The following KDM4C variants were observed in gnomAD, a reference collection of about 807,000 sequenced individuals.
KDM4C encodes lysine demethylase 4C.
In KDM4C, 81 loss-of-function variants were observed where a neutral mutation model predicts 129.3. The ratio of observed to expected loss-of-function variants is 0.63; its 90% CI spans 0.52 to 0.75. The LOEUF is 0.75. Among genes scored for constraint, KDM4C ranks in the 30% least tolerant of loss-of-function variants. The probability of loss-of-function intolerance (pLI) is 0.00; values close to 1 mark genes in which losing one functional copy is unlikely to be tolerated. For synonymous variants in KDM4C, 573 were observed against 456.1 expected (o/e 1.26, Z -3.26); for missense variants, 1,457 against 1,304.0 (o/e 1.12, Z -1.81).
intron 4 of KDM4C, among the ~76,000 whole-genome samples, chr9:6,830,608 CCT>C (rs1012047115): frequency 2.0e-5 from 3 of 152,156 alleles, no homozygotes; most frequent in East Asian, 3.8e-4. Context: ...TTCCAAATGT[CCT>C]ATAATGATGA....
chr9:6,785,228 C>A (rs11792731), intron 1 of KDM4C, among the ~76,000 whole-genome samples: 23,326 of 152,110 alleles, frequency 0.15, 2,118 homozygotes, highest in East Asian at 0.4. Context: ...GTTGTAGTTT[C>A]TTGTGTTTGC....
chr9:7,132,522 C>T (rs113815058), intron 19 of KDM4C, among the ~76,000 whole-genome samples: 2,109 of 152,208 alleles, frequency 0.014, 54 homozygotes, highest in African/African-American at 0.047. Flanking sequence ...GTGTATCAGC[C>T]CAGTTAAACT....
intron 5 of KDM4C, among the ~76,000 whole-genome samples, chr9:6,850,160 C>T (rs1471689824): frequency 6.6e-6 from 1 of 152,194 alleles, no homozygotes; most frequent in Non-Finnish European, 1.5e-5. Context: ...TGTAAGTCCA[C>T]TCCATGATGT....
At chr9:6,802,105 CAAA>C (rs34465609) in intron 2 of KDM4C, among the ~76,000 whole-genome samples, 2 of 117,692 alleles carry the variant, frequency 1.7e-5, no homozygotes, top group Admixed American at 8.4e-5. Context: ...AACTTTGTCT[CAAA>C]AAAAAAAAAA....
rs368404944 is a variant in KDM4C, at chr9:7,164,376, A to G, written c.2782-862A>G. On this transcript the variant is annotated intron_variant, in intron 19 of 21. Coordinates refer to ENST00000381309, the MANE Select transcript of KDM4C (RefSeq NM_015061.6). The stretch of plus-strand genomic sequence containing the variant: ...AAAAAAACAAAAAGCACCTTTCAGG[A>G]TTAATCACCTGGGGAGTTTGCTCTG... Among the ~76,000 whole-genome samples, 19 of 151,548 alleles carry G rather than the reference A, an allele frequency of 1.3e-4. No homozygotes were observed. The East Asian group carries it at 2.5e-3, about 20-fold the overall frequency.
chr9:7,079,082 G>A (rs1834240561), intron 17 of KDM4C, among the ~76,000 whole-genome samples: 2 of 152,214 alleles, frequency 1.3e-5, no homozygotes, highest in South Asian at 2.1e-4. Context: ...GGTACAGTGA[G>A]CCATTCTTAT....
intron 1 of KDM4C, among the ~76,000 whole-genome samples, chr9:6,747,225 C>CCAACCAAA (rs1554666610): frequency 2.3e-4 from 34 of 150,970 alleles, no homozygotes; most frequent in South Asian, 6.3e-4. Context: ...AACCAACCAA[C>CCAACCAAA]CAAAGAACCT....
chr9:7,059,672 A>G (rs1175131668), intron 17 of KDM4C, among the ~76,000 whole-genome samples: 1 of 152,210 alleles, frequency 6.6e-6, no homozygotes, highest in Non-Finnish European at 1.5e-5. Flanking sequence ...CTTCAACCAA[A>G]CAACATATTA....
At chr9:6,859,473 C>CAAAAAA (rs58056883) in intron 5 of KDM4C, among the ~76,000 whole-genome samples, 30 of 47,824 alleles carry the variant, frequency 6.3e-4, no homozygotes, top group South Asian at 1.2e-3. Context: ...GACTCTGTCT[C>CAAAAAA]AAAAAAAAAA....
intron 15 of KDM4C, among the ~76,000 whole-genome samples, chr9:7,033,080 T>C (rs1203064155): frequency 3.9e-5 from 6 of 152,114 alleles, no homozygotes; most frequent in Admixed American, 1.3e-4. Context: ...TGAGATCAGA[T>C]TGGCTTATGG....
intron 8 of KDM4C, among the ~76,000 whole-genome samples, chr9:6,911,325 C>T (rs1819269760): frequency 6.6e-6 from 1 of 152,096 alleles, no homozygotes; most frequent in African/African-American, 2.4e-5. Context: ...CCATAATTTG[C>T]TAGATTTGAG....
intron 15 of KDM4C, among the ~76,000 whole-genome samples, chr9:7,032,677 C>A (rs886194421): frequency 6.6e-6 from 1 of 152,192 alleles, no homozygotes; most frequent in Non-Finnish European, 1.5e-5. Context: ...CCCAGGATCA[C>A]TCTTGTGTGT....
intron 18 of KDM4C, among the ~76,000 whole-genome samples, chr9:7,111,338 A>G (rs376051709): frequency 1.3e-5 from 2 of 152,216 alleles, no homozygotes; most frequent in African/African-American, 4.8e-5. Context: ...AGAATTCACA[A>G]TTTAAGATTT....
chr9:6,843,473 A>G (rs1311613386), intron 4 of KDM4C, among the ~76,000 whole-genome samples: 1 of 152,252 alleles, frequency 6.6e-6, no homozygotes, highest in African/African-American at 2.4e-5. Context: ...GGCTTTCTCC[A>G]CTTCTGCTAG....
intron 17 of KDM4C, among the ~76,000 whole-genome samples, chr9:7,075,080 C>T (rs1299634891): frequency 6.6e-6 from 1 of 152,114 alleles, no homozygotes; most frequent in African/African-American, 2.4e-5. Context: ...ACTTTCTCCC[C>T]AACTGGACCC....
intron 11 of KDM4C, among the ~76,000 whole-genome samples, chr9:6,987,381 T>TA (rs1463847443): frequency 6.6e-6 from 1 of 152,250 alleles, no homozygotes; most frequent in Non-Finnish European, 1.5e-5. Context: ...TGTACAGTAT[T>TA]AATATTCCAT....
chr9:7,107,394 A>G (rs573092109), intron 18 of KDM4C, among the ~76,000 whole-genome samples: 21 of 152,364 alleles, frequency 1.4e-4, no homozygotes, highest in African/African-American at 4.6e-4. Context: ...ATATAGCACC[A>G]CAGGGCCATC....
intron 1 of KDM4C, among the ~76,000 whole-genome samples, chr9:6,740,662 G>A (rs1343771315): frequency 6.6e-6 from 1 of 151,964 alleles, no homozygotes; most frequent in Non-Finnish European, 1.5e-5. Flanking sequence ...GGGATTACAG[G>A]CGCGCGCCAC....
At chr9:6,739,169 T>C (rs562858079) in intron 1 of KDM4C, among the ~76,000 whole-genome samples, 5 of 152,162 alleles carry the variant, frequency 3.3e-5, no homozygotes, top group African/African-American at 1.2e-4. Flanking sequence ...GCCTCCTGGG[T>C]TCAAGCGATT....
Sources: allele counts gnomAD v4.1 joint callset (sites outside exome capture counted in the v4.1 genomes callset), GRCh38; gene constraint gnomAD v4.1.1; transcripts MANE v1.5; gene names NCBI Gene and HGNC (gene_info 2026-07-23, HGNC 2026-07-21).